Variants in SYT9 observed in about 807,000 individuals in gnomAD.
The protein encoded by SYT9 is synaptotagmin-9.
In SYT9, 22 loss-of-function variants were observed where a neutral mutation model predicts 48.4. The ratio of observed to expected loss-of-function variants is 0.45; its 90% confidence interval spans 0.32 to 0.65. SYT9 has a LOEUF of 0.65. Ranked by LOEUF, SYT9 falls within the 30% of genes least tolerant of loss-of-function variation. SYT9 has a pLI of 0.03. For synonymous variants in SYT9, 265 were observed against 245.0 expected, an observed-to-expected ratio of 1.08 and a Z score of -0.76; for missense variants, 577 against 622.0, an observed-to-expected ratio of 0.93 and a Z score of 0.77.
chr11:7,367,098 T>TTTTTTCC (rs71056800), intron 3 of SYT9, among the ~76,000 whole-genome samples: 7 of 112,988 alleles, frequency 6.2e-5, no homozygotes, highest in African/African-American at 2.2e-4. Flanking sequence ...TTTTTTTTTT[T>TTTTTTCC]CGAGACGGAG....
chr11:7,342,012 C>A (rs757424512), intron 3 of SYT9, among the ~76,000 whole-genome samples: 62 of 152,152 alleles, frequency 4.1e-4, no homozygotes, highest in Non-Finnish European at 7.8e-4. Context: ...TCTCATGCAA[C>A]TTATTCACTG....
chr11:7,389,376 GATATAA>G (rs1850720067), intron 3 of SYT9, among the ~76,000 whole-genome samples: 1 of 152,058 alleles, frequency 6.6e-6, no homozygotes, highest in South Asian at 2.1e-4. Flanking sequence ...TAAGTTTGCT[GATATAA>G]ATATACAAGT....
intron 3 of SYT9, among the ~76,000 whole-genome samples, chr11:7,382,241 G>A (rs116481369): frequency 1.8e-3 from 281 of 152,294 alleles, no homozygotes; most frequent in African/African-American, 6.4e-3. Flanking sequence ...CTACAGTAGC[G>A]CATGTGAGAG....
At chr11:7,388,081 C>T (rs573922980) in intron 3 of SYT9, among the ~76,000 whole-genome samples, 33 of 152,234 alleles carry the variant, frequency 2.2e-4, no homozygotes, top group African/African-American at 7.7e-4. Flanking sequence ...ATTGCGTTTA[C>T]TTCTTCCCTA....
Position 7,280,118 on chromosome 11 carries a change from T to C in SYT9, c.146-22921T>C, listed in dbSNP as rs116693998. On this transcript the variant is annotated intron_variant, in intron 1 of 6. Transcript: ENST00000318881. ...AGAATAGAAAAGGTATGCATAAATA[T>C]ACACGCATACGTTTATTTTAAGTGT... 6.2e-3 allele frequency among the ~76,000 whole-genome samples: 942 copies of C among 152,390 alleles called. 7 individuals are homozygous for C. Among genetic ancestry groups the C allele is most frequent in the African/African-American group, 0.021 (871 of 41,594 alleles).
At chr11:7,333,873 TG>T (rs1399358131) in intron 3 of SYT9, among the ~76,000 whole-genome samples, 1 of 152,202 alleles carries the variant, frequency 6.6e-6, no homozygotes, top group Non-Finnish European at 1.5e-5. Context: ...TTGGGGCTTT[TG>T]GTTTTGGGAG....
At position 7,467,057 on chromosome 11, in the gene SYT9, T is replaced by C. The variant is rs1848351232; in HGVS notation, c.*257T>C. The C allele has an allele frequency of 9.8e-6, 5 of 510,494 alleles. No individual in the cohort carries two copies. Among genetic ancestry groups the C allele is most frequent in the Admixed American group, 7.0e-5 (2 of 28,444 alleles). 31.6% of individuals were successfully genotyped at this position (510,494 alleles called of 1,614,324 possible). A position where few individuals can be genotyped will look rare whatever the true frequency, so the allele number is the denominator to read the frequency against. ...CATGCCAAGAACCAAGATCGGACTA[T>C]GAACAAAAACAAATGATAGATATAG... is the stretch of plus-strand genomic sequence containing the variant. On this transcript the variant is annotated 3_prime_UTR_variant, in exon 7 of 7. Coordinates refer to ENST00000318881, the MANE Select transcript of SYT9 (RefSeq NM_175733.4).
chr11:7,453,824 A>G (rs147661091), intron 6 of SYT9, among the ~76,000 whole-genome samples: 262 of 152,298 alleles, frequency 1.7e-3, no homozygotes, highest in African/African-American at 6.1e-3. Context: ...GGCCAGGACC[A>G]TGAGCAACGA....
rs867404356 is a variant in SYT9 at position 7,374,754 on chromosome 11, T to G, written c.1045-41288T>G. ...TGTCTGTTCATATCCTTCACCCACT[T>G]TTCGATGGGGTTGATTGTTTTTTTC... On this transcript the variant is annotated intron_variant, in intron 3 of 6. Transcript: ENST00000318881. Among the ~76,000 whole-genome samples, 5 of 152,306 alleles carry G rather than the reference T, an allele frequency of 3.3e-5. No homozygotes were observed. The South Asian group carries it at 8.3e-4, about 25-fold the overall frequency.
At chr11:7,393,079 A>G (rs781273532) in intron 3 of SYT9, among the ~76,000 whole-genome samples, 1 of 152,048 alleles carries the variant, frequency 6.6e-6, no homozygotes, top group Non-Finnish European at 1.5e-5. Flanking sequence ...TCCTATTTAG[A>G]TGTCTTTTAT....
At chr11:7,398,804 T>A (rs559247061) in intron 3 of SYT9, among the ~76,000 whole-genome samples, 1 of 152,262 alleles carries the variant, frequency 6.6e-6, no homozygotes, top group East Asian at 1.9e-4. Context: ...ATGTGACAGC[T>A]TGTAGTCAAA....
At chr11:7,244,007 A>G (rs1847767355) in intron 1 of SYT9, among the ~76,000 whole-genome samples, 1 of 151,828 alleles carries the variant, frequency 6.6e-6, no homozygotes, top group African/African-American at 2.4e-5. Flanking sequence ...TCTCAGTCTC[A>G]GTTAAGCAGA....
chr11:7,245,033 A>G (rs971968094), intron 1 of SYT9, among the ~76,000 whole-genome samples: 16 of 152,222 alleles, frequency 1.1e-4, no homozygotes, highest in African/African-American at 3.9e-4. Context: ...AGAGAACCTG[A>G]GCAATGTCAC....
intron 1 of SYT9, among the ~76,000 whole-genome samples, chr11:7,245,795 A>G (rs1847784795): frequency 6.6e-6 from 1 of 152,154 alleles, no homozygotes; most frequent in Non-Finnish European, 1.5e-5. Context: ...TCATGGCCTA[A>G]TCATCTCATC....
At chr11:7,447,250 A>G (rs1847951487) in intron 6 of SYT9, among the ~76,000 whole-genome samples, 1 of 152,020 alleles carries the variant, frequency 6.6e-6, no homozygotes, top group African/African-American at 2.4e-5. Flanking sequence ...CCTCACCCCA[A>G]TTCTCCATCT....
chr11:7,247,626 TAC>T (rs1564834888), upstream of SYT9, among the ~76,000 whole-genome samples: 1 of 147,310 alleles, frequency 6.8e-6, no homozygotes, highest in East Asian at 2.0e-4. Flanking sequence ...CGTGTATATA[TAC>T]GTGTATATAT....
At chr11:7,454,798 G>A (rs760631856) in intron 6 of SYT9, among the ~76,000 whole-genome samples, 3 of 152,248 alleles carry the variant, frequency 2.0e-5, no homozygotes, top group Non-Finnish European at 4.4e-5. Flanking sequence ...AGGGTGCCAG[G>A]ATGAGGAGAT....
chr11:7,348,763 C>A (rs1849852448), intron 3 of SYT9, among the ~76,000 whole-genome samples: 1 of 120,838 alleles, frequency 8.3e-6, no homozygotes, highest in Non-Finnish European at 1.6e-5. Context: ...TTGAGCTGAT[C>A]CCTTTTTAAA....
Position 7,319,347 on chromosome 11 carries a change from A to G in SYT9, c.1044+5406A>G, listed in dbSNP as rs376320232. 5.3e-5 allele frequency among the ~76,000 whole-genome samples: 8 copies of G among 152,134 alleles called. No homozygotes were observed. The East Asian group carries it at 1.4e-3, about 26-fold the overall frequency. On this transcript the variant is annotated intron_variant, in intron 3 of 6. Transcript: ENST00000318881. Reference sequence around the variant, plus strand: ...TTTATTCTTAAAAGATTGTCTGGGAATAACAATTTGGGAGCACAAAACTGA... The same window carrying G: ...TTTATTCTTAAAAGATTGTCTGGGAGTAACAATTTGGGAGCACAAAACTGA...
Sources: gnomAD v4.1 joint callset for allele counts (sites outside exome capture counted in the v4.1 genomes callset) on GRCh38, gnomAD v4.1.1 for gene constraint, MANE v1.5 for transcripts, NCBI Gene and HGNC (gene_info 2026-07-23, HGNC 2026-07-21) for gene names.